Variants in ST14 observed in about 807,000 individuals in gnomAD.
The protein encoded by ST14 is ST14 transmembrane serine protease matriptase.
Under a neutral mutation model 96.5 loss-of-function variants are expected in ST14, and 40 were observed. The ratio of observed to expected loss-of-function variants is 0.41; its 90% CI spans 0.32 to 0.54. The LOEUF (loss-of-function observed/expected upper bound fraction) is 0.54, where lower values mean the gene tolerates loss of function less well. Ranked by LOEUF, ST14 falls within the 20% of genes least tolerant of loss-of-function variation. The pLI is 0.17. For synonymous variants in ST14, 506 were observed against 492.1 expected, an observed-to-expected ratio of 1.03 and a Z score of -0.37; for missense variants, 1,066 against 1,188.9, an observed-to-expected ratio of 0.90 and a Z score of 1.52.
intron 1 of ST14, among the ~76,000 whole-genome samples, chr11:130,185,755 A>G (rs1467408696): frequency 6.6e-6 from 1 of 152,212 alleles, no homozygotes; most frequent in East Asian, 1.9e-4. Flanking sequence ...ACATTATCAT[A>G]TTTCTCAAAA....
intron 1 of ST14, among the ~76,000 whole-genome samples, chr11:130,163,131 C>T (rs1416589261): frequency 4.6e-5 from 7 of 152,132 alleles, no homozygotes. Context: ...CGTATAGTAT[C>T]AGTAGGTCGC....
At chr11:130,193,643 T>C (rs573651962) in intron 7 of ST14, among the ~76,000 whole-genome samples, 257 of 152,334 alleles carry the variant, frequency 1.7e-3, no homozygotes, top group Non-Finnish European at 2.7e-3. Flanking sequence ...CTAATTTTTG[T>C]ATCTTTAGTA....
At chr11:130,186,051 A>C (rs1591885483) in intron 1 of ST14, among the ~76,000 whole-genome samples, 1 of 151,732 alleles carries the variant, frequency 6.6e-6, no homozygotes, top group African/African-American at 2.4e-5. Flanking sequence ...CAGATGATCC[A>C]CCTGCCTCGG....
In ST14 at chr11:130,188,074, G is replaced by T; in HGVS notation, c.82-40G>T. On this transcript the variant is annotated intron_variant, in intron 1 of 18. Transcript: ENST00000278742. This position sits in a 1 kb window ranked among gnomAD's most constrained non-coding sequence, Gnocchi z 5.4. ...CCCCAGCGGGGTGCAGGGGAAGAGCGGGTGAGAGGGTCTGAGTGGTGGCGC... is the reference window on the plus strand; with the variant it reads ...CCCCAGCGGGGTGCAGGGGAAGAGCTGGTGAGAGGGTCTGAGTGGTGGCGC... The T allele has an allele frequency of 1.2e-6, 2 of 1,612,148 alleles. No homozygotes were observed. The highest frequency in any genetic ancestry group is 8.5e-7 in the Non-Finnish European group (1 of 1,179,080).
chr11:130,189,854 C>G lies in ST14; in HGVS notation c.556C>G (p.Arg186Gly). Reference sequence around the variant, plus strand: ...CGTAGTCATGCTGCCCCCGCGGGCGCGCTCCCTGAAGTCCTTTGTGGTCAC... The same window carrying G: ...CGTAGTCATGCTGCCCCCGCGGGCGGGCTCCCTGAAGTCCTTTGTGGTCAC... Reference protein sequence around the residue: ...ERVVMLPPRARSLKSFVVTSV... With the variant: ...ERVVMLPPRAGSLKSFVVTSV... The change falls in exon 5 of 19, where the codon CGC becomes GGC. Residue 186 changes from arginine (R) to glycine (G), a missense_variant. Coordinates refer to ENST00000278742, the MANE Select transcript of ST14 (RefSeq NM_021978.4). 1 of 1,613,880 alleles carries G rather than the reference C, an allele frequency of 6.2e-7. No homozygotes were observed. The highest frequency in any genetic ancestry group is 8.5e-7 in the Non-Finnish European group (1 of 1,179,940).
intron 1 of ST14, among the ~76,000 whole-genome samples, chr11:130,169,173 C>A (rs974826579): frequency 2.1e-5 from 3 of 144,468 alleles, no homozygotes; most frequent in African/African-American, 5.3e-5. Flanking sequence ...GGGCTCACTG[C>A]AACCTCCGCC....
chr11:130,172,411 CTTTTTTTTTTTTT>C (rs1173051845), intron 1 of ST14, among the ~76,000 whole-genome samples: 2 of 88,286 alleles, frequency 2.3e-5, no homozygotes, highest in South Asian at 3.8e-4. Context: ...TGGCTGTCTT[CTTTTTTTTTTTTT>C]TTTTTTTTTT....
chr11:130,209,813 C>G lies in ST14; in HGVS notation c.2558C>G (p.Thr853Ser). ...TTTCGGGACTGGATCAAAGAGAACA[C>G]TGGGGTATAGGGGCCGGGGCCACCC... ...PLFRDWIKENTGV is the reference protein window; with the variant it reads ...PLFRDWIKENSGV Residue 853 changes from threonine to serine, a missense_variant, in exon 19 of 19, where the codon ACT (threonine) becomes AGT (serine). Thr to Ser is a moderately conservative substitution (Grantham distance 58). Transcript: ENST00000278742. 6.2e-7 allele frequency: 1 copy of G among 1,613,944 alleles called. No individual in the cohort carries two copies. Among genetic ancestry groups the G allele is most frequent in the Non-Finnish European group, 8.5e-7 (1 of 1,180,022 alleles).
In ST14 at chr11:130,210,178, C is replaced by G; in HGVS notation, c.*355C>G. The G allele has an allele frequency of 4.3e-6, 1 of 234,938 alleles. No homozygotes were observed. Among genetic ancestry groups the G allele is most frequent in the Non-Finnish European group, 8.4e-6 (1 of 119,140 alleles). The allele number at this position is 234,938 out of a possible 1,614,324, so 14.6% of individuals were successfully genotyped here. On this transcript the variant is annotated 3_prime_UTR_variant, in exon 19 of 19. Transcript: ENST00000278742. ...CGGGAACGGAGCTTCGGGGCCTCCT[C>G]AGTGAAGGTGGTGGGGCTGCCGGAT...
In ST14 at chr11:130,197,961, A is replaced by G; in HGVS notation, c.1459+16A>G. ...CTCAACTGCAGTGAGTCAGGCTGGG[A>G]GCCCCGGTCTCCCCACCCTCCTTCC... On this transcript the variant is annotated intron_variant, in intron 12 of 18. Coordinates refer to ENST00000278742, the MANE Select transcript of ST14 (RefSeq NM_021978.4). The G allele has an allele frequency of 1.3e-6, 2 of 1,559,458 alleles. No homozygotes were observed. The highest frequency in any genetic ancestry group is 2.3e-5 in the South Asian group (2 of 85,420).
At chr11:130,178,254 G>A (rs1384283979) in intron 1 of ST14, among the ~76,000 whole-genome samples, 1 of 152,164 alleles carries the variant, frequency 6.6e-6, no homozygotes, top group Non-Finnish European at 1.5e-5. Flanking sequence ...GTGTGAGCTG[G>A]GTCATTTGTC....
At position 130,200,015 on chromosome 11, in the gene ST14, C is replaced by T. The variant is rs763733922; in HGVS notation, c.1872C>T (p.Gly624=). ...RVVGGTDADE[G]EWPWQVSLHA... is the part of the protein sequence containing the mutation. ...TTGGGGGCACGGATGCGGATGAGGG[C>T]GAGTGGCCCTGGCAGGTAAGCCTGC... Residue 624 remains glycine (G), a synonymous_variant, in exon 16 of 19, where the codon GGC becomes GGT. Transcript: ENST00000278742. 24 of 1,613,980 alleles carry T rather than the reference C, an allele frequency of 1.5e-5. No individual in the cohort carries two copies. In the East Asian group the frequency reaches 1.6e-4, roughly 10 times the overall value.
chr11:130,206,431 C>T (rs1953489175), intron 16 of ST14, among the ~76,000 whole-genome samples: 2 of 152,118 alleles, frequency 1.3e-5, no homozygotes, highest in African/African-American at 2.4e-5. Context: ...CTTTGCCCGG[C>T]GTCTCAGCGT....
At position 130,196,565 on chromosome 11, in the gene ST14, T is replaced by C. The variant is rs201031832; in HGVS notation, c.1224-5T>C. On this transcript the variant is annotated splice_region_variant and splice_polypyrimidine_tract_variant and intron_variant, in intron 10 of 18. Transcript: ENST00000278742. ...TCCTCACCTTGTGCCCCGCCCCCCC[T>C]CCAGATACTGCGGAGAGAGGTCCCA... is the stretch of plus-strand genomic sequence containing the variant. 8.2e-3 allele frequency: 9,666 copies of C among 1,176,710 alleles called. 356 individuals are homozygous for C. In the Admixed American group the frequency reaches 0.13, roughly 16 times the overall value. The allele number at this position is 1,176,710 out of a possible 1,614,324, so 72.9% of individuals were successfully genotyped here. A position where few individuals can be genotyped will look rare whatever the true frequency, so the allele number is the denominator to read the frequency against.
At chr11:130,206,370 C>T (rs1953488295) in intron 16 of ST14, among the ~76,000 whole-genome samples, 1 of 147,304 alleles carries the variant, frequency 6.8e-6, no homozygotes, top group Non-Finnish European at 1.5e-5. Flanking sequence ...GTCGTGACTA[C>T]ACTGCAGGTG....
intron 1 of ST14, among the ~76,000 whole-genome samples, chr11:130,163,446 G>T (rs1436971707): frequency 3.9e-5 from 6 of 152,160 alleles, no homozygotes; most frequent in Non-Finnish European, 5.9e-5. Context: ...TGGGGGTCTT[G>T]CTATGTTGCC....
intron 7 of ST14, among the ~76,000 whole-genome samples, chr11:130,193,765 C>T (rs1313765038): frequency 1.3e-5 from 2 of 152,228 alleles, no homozygotes; most frequent in South Asian, 2.1e-4. Context: ...CCACTGCGCC[C>T]GGCTGGGTGT....
In ST14 at chr11:130,198,303, T is replaced by C. The variant is rs1033428452; in HGVS notation, c.1460-5T>C. 1.9e-6 allele frequency: 3 copies of C among 1,613,832 alleles called. No homozygotes were observed. Among genetic ancestry groups the C allele is most frequent in the Non-Finnish European group, 2.5e-6 (3 of 1,179,896 alleles). ...CACGGCCGACCTCCCCTTACCCCAC[T>C]CCAGGTTGCGACGCCGGCCACCAGT... On this transcript the variant is annotated splice_polypyrimidine_tract_variant and splice_region_variant and intron_variant, in intron 12 of 18. Transcript: ENST00000278742.
At position 130,189,801 on chromosome 11, in the gene ST14, A is replaced by G; in HGVS notation, c.503A>G (p.Glu168Gly). The G allele has an allele frequency of 6.2e-7, 1 of 1,613,880 alleles. No homozygotes were observed. The highest frequency in any genetic ancestry group is 8.5e-7 in the Non-Finnish European group (1 of 1,179,958). ...AGCATCCCGCAGCACCTGGTGGAGGAGGCCGAGCGCGTCATGGCCGAGGAG... is the reference window on the plus strand; with the variant it reads ...AGCATCCCGCAGCACCTGGTGGAGGGGGCCGAGCGCGTCATGGCCGAGGAG... The part of the protein sequence containing the change: ...EFSIPQHLVE[E>G]AERVMAEERV... The change falls in exon 5 of 19, where the codon GAG becomes GGG. Residue 168 changes from glutamate to glycine, a missense_variant. By Grantham distance (98) the Glu-to-Gly change is moderately conservative (BLOSUM62 -2). Transcript: ENST00000278742.
Sources: allele counts gnomAD v4.1 joint callset (sites outside exome capture counted in the v4.1 genomes callset), GRCh38; gene constraint gnomAD v4.1.1; non-coding constraint Gnocchi (gnomAD v3.1); transcripts MANE v1.5; gene names NCBI Gene and HGNC (gene_info 2026-07-23, HGNC 2026-07-21).